The following DNAJC1 variants were observed in gnomAD, a reference collection of about 807,000 sequenced individuals.
The protein encoded by DNAJC1 is DnaJ heat shock protein family (Hsp40) member C1.
In DNAJC1, 58 loss-of-function variants were observed where a neutral mutation model predicts 76.6. The observed-to-expected ratio is 0.76, with a 90% CI of 0.61 to 0.94. The LOEUF is 0.94. DNAJC1 is among the 40% of genes least tolerant of loss of function. The pLI, the probability that DNAJC1 is intolerant of heterozygous loss-of-function variation, is 0.00. For synonymous variants in DNAJC1, 258 were observed against 267.9 expected, an observed-to-expected ratio of 0.96 and a Z score of 0.36; for missense variants, 689 against 677.3, an observed-to-expected ratio of 1.02 and a Z score of -0.19.
chr10:21,890,903 T>C (rs1039525435), intron 7 of DNAJC1, among the ~76,000 whole-genome samples: 2 of 152,088 alleles, frequency 1.3e-5, no homozygotes, highest in African/African-American at 4.8e-5. Flanking sequence ...GATATTTAAA[T>C]TACTTGGCTG....
At position 21,919,855 on chromosome 10, in the gene DNAJC1, G is replaced by A. The variant is rs144061947; in HGVS notation, c.612C>T (p.Leu204=). 46 of 1,605,400 alleles carry A rather than the reference G, an allele frequency of 2.9e-5. No individual in the cohort carries two copies. Among genetic ancestry groups the A allele is most frequent in the Non-Finnish European group, 3.4e-5 (40 of 1,177,396 alleles). Residue 204 remains leucine (L), a synonymous_variant, in exon 5 of 12, where the codon CTC becomes CTT. Coordinates refer to ENST00000376980, the MANE Select transcript of DNAJC1 (RefSeq NM_022365.4). ...TGSKSVDVSK[L]GASEKNERLL... is the part of the protein sequence containing the mutation. ...ACCTTTCATTTTTTTCTGAAGCACCGAGTTTTGATACATCCACACTCTTGC... is the reference window on the plus strand; with the variant it reads ...ACCTTTCATTTTTTTCTGAAGCACCAAGTTTTGATACATCCACACTCTTGC...
chr10:21,789,781 G>A (rs999347581), intron 9 of DNAJC1, among the ~76,000 whole-genome samples: 23 of 152,046 alleles, frequency 1.5e-4, no homozygotes, highest in Admixed American at 3.3e-4. Flanking sequence ...AGACCAAGGT[G>A]GGTGGATCAC....
At chr10:21,982,477 G>C (rs146687013) in intron 1 of DNAJC1, among the ~76,000 whole-genome samples, 1 of 152,002 alleles carries the variant, frequency 6.6e-6, no homozygotes. Context: ...CACAGAATGG[G>C]AGAAAATATT....
At chr10:21,891,742 C>G (rs1836466880) in intron 7 of DNAJC1, among the ~76,000 whole-genome samples, 1 of 152,070 alleles carries the variant, frequency 6.6e-6, no homozygotes, top group African/African-American at 2.4e-5. Flanking sequence ...GAAGGGGAAA[C>G]CAAGACATCC....
At chr10:21,781,341 A>G (rs1004077646) in intron 9 of DNAJC1, among the ~76,000 whole-genome samples, 3 of 152,212 alleles carry the variant, frequency 2.0e-5, no homozygotes, top group African/African-American at 7.2e-5. Context: ...AGTTGGAAGT[A>G]AAGCACTCCT....
At chr10:21,794,657 GGA>G (rs1296742636) in intron 9 of DNAJC1, among the ~76,000 whole-genome samples, 2 of 151,948 alleles carry the variant, frequency 1.3e-5, no homozygotes, top group Non-Finnish European at 2.9e-5. Flanking sequence ...TCCTGGGTTA[GGA>G]AAAGTTCTTA....
chr10:21,985,326 T>C (rs907501537), intron 1 of DNAJC1, among the ~76,000 whole-genome samples: 2 of 150,786 alleles, frequency 1.3e-5, no homozygotes, highest in Admixed American at 1.3e-4. Context: ...CTTGGCTCAC[T>C]GCAACCTCTG....
At chr10:21,988,263 G>A (rs1318884204) in intron 1 of DNAJC1, among the ~76,000 whole-genome samples, 1 of 152,036 alleles carries the variant, frequency 6.6e-6, no homozygotes, top group Non-Finnish European at 1.5e-5. Context: ...TGTTAGAAAG[G>A]CATCAGCTGC....
chr10:21,815,026 A>G (rs1382323255), intron 8 of DNAJC1, among the ~76,000 whole-genome samples: 1 of 152,112 alleles, frequency 6.6e-6, no homozygotes, highest in Non-Finnish European at 1.5e-5. Flanking sequence ...AGAGGGGCAA[A>G]CTCCACGACC....
chr10:21,927,514 T>C (rs1305869191), intron 3 of DNAJC1, among the ~76,000 whole-genome samples: 4 of 152,208 alleles, frequency 2.6e-5, no homozygotes, highest in South Asian at 2.1e-4. Context: ...GGTACTCTTG[T>C]ATCGTAGAAC....
At chr10:21,821,834 C>A (rs528880700) in intron 8 of DNAJC1, among the ~76,000 whole-genome samples, 22 of 149,042 alleles carry the variant, frequency 1.5e-4, no homozygotes, top group Non-Finnish European at 2.4e-4. Context: ...CTGTTATTAA[C>A]CTATTCAGGA....
intron 1 of DNAJC1, among the ~76,000 whole-genome samples, chr10:21,956,530 T>C (rs551286218): frequency 1.3e-5 from 2 of 151,578 alleles, no homozygotes; most frequent in Non-Finnish European, 2.9e-5. Flanking sequence ...TATAAATTTA[T>C]GTACATACAC....
At chr10:21,841,620 T>C (rs1268372209) in intron 8 of DNAJC1, among the ~76,000 whole-genome samples, 2 of 152,170 alleles carry the variant, frequency 1.3e-5, no homozygotes, top group Non-Finnish European at 2.9e-5. Flanking sequence ...CTGGAGAGGA[T>C]GTGGAGTAAT....
At chr10:21,815,803 T>C (rs1268882808) in intron 8 of DNAJC1, among the ~76,000 whole-genome samples, 4 of 151,556 alleles carry the variant, frequency 2.6e-5, no homozygotes, top group Non-Finnish European at 5.9e-5. Context: ...TGGAGGGCAG[T>C]GGTGTGAACT....
intron 6 of DNAJC1, among the ~76,000 whole-genome samples, chr10:21,910,612 G>A (rs1836839115): frequency 1.3e-5 from 2 of 152,176 alleles, no homozygotes; most frequent in South Asian, 4.2e-4. Flanking sequence ...GCTGAAAAAT[G>A]AGAATACGTG....
chr10:21,920,965 T>C lies in DNAJC1; in HGVS notation c.372-2A>G, dbSNP rs777063333. ...CCATTGATCAGAATATCATCATACC[T>C]ACAGTACAAATATAACAGTTTTTCA... On this transcript the variant is annotated splice_acceptor_variant, in intron 3 of 11. Coordinates refer to ENST00000376980, the MANE Select transcript of DNAJC1 (RefSeq NM_022365.4). LOFTEE classifies it high-confidence loss of function. 5.0e-6 allele frequency: 8 copies of C among 1,590,428 alleles called. No individual in the cohort carries two copies. Among genetic ancestry groups the C allele is most frequent in the Non-Finnish European group, 5.1e-6 (6 of 1,166,452 alleles).
At chr10:21,976,817 T>A (rs1391395063) in intron 1 of DNAJC1, among the ~76,000 whole-genome samples, 1 of 152,182 alleles carries the variant, frequency 6.6e-6, no homozygotes, top group Non-Finnish European at 1.5e-5. Context: ...CCTGTGGCCA[T>A]GTTAAAATCA....
At chr10:21,894,457 C>T (rs748106549) in intron 7 of DNAJC1, among the ~76,000 whole-genome samples, 30 of 152,008 alleles carry the variant, frequency 2.0e-4, no homozygotes, top group Non-Finnish European at 3.5e-4. Context: ...TGTAATCCCA[C>T]CTACTTGGGA....
intron 1 of DNAJC1, among the ~76,000 whole-genome samples, chr10:21,947,156 T>C (rs1837518644): frequency 6.6e-6 from 1 of 152,168 alleles, no homozygotes; most frequent in Non-Finnish European, 1.5e-5. Flanking sequence ...GTGCAAAATG[T>C]CATGTGATGT....
Sources: gnomAD v4.1 joint callset for allele counts (sites outside exome capture counted in the v4.1 genomes callset) on GRCh38, gnomAD v4.1.1 for gene constraint, MANE v1.5 for transcripts, NCBI Gene and HGNC (gene_info 2026-07-23, HGNC 2026-07-21) for gene names.